The following DPT variants were observed in gnomAD, a reference collection of about 807,000 sequenced individuals.
DPT encodes the protein dermatopontin, also known as tyrosine-rich acidic matrix protein.
Under a neutral mutation model 31.2 loss-of-function variants are expected in DPT, and 21 were observed. The observed-to-expected ratio is 0.67, with a 90% CI of 0.48 to 0.97. DPT has a LOEUF of 0.97. DPT is among the 50% of genes least tolerant of loss of function. DPT has a pLI of 0.00. For missense variants in DPT, 262 were observed against 258.8 expected (o/e 1.01, Z -0.08); for synonymous variants, 91 against 86.9 (o/e 1.05, Z -0.26).
At chr1:168,708,616 T>C (rs563638814) in intron 2 of DPT, among the ~76,000 whole-genome samples, 1 of 152,244 alleles carries the variant, frequency 6.6e-6, no homozygotes, top group African/African-American at 2.4e-5. Flanking sequence ...ATGTGCACAA[T>C]GTGCAGTTTG....
intron 1 of DPT, among the ~76,000 whole-genome samples, chr1:168,720,770 G>A (rs928320833): frequency 6.6e-6 from 1 of 152,140 alleles, no homozygotes; most frequent in Admixed American, 6.5e-5. Flanking sequence ...CCGCCCCAAA[G>A]GTGGATGAGG....
rs1396463595 is a variant in DPT at position 168,707,836 on chromosome 1, C to T, written c.431+6385G>A. On this transcript the variant is annotated intron_variant, in intron 2 of 3. Coordinates refer to ENST00000367817, the MANE Select transcript of DPT (RefSeq NM_001937.5). ...CTCCTTCTGCCATGGTTGTAAGTTT[C>T]CTGAGGCCTCCCCAGCCCTGTGGAA... 6.6e-5 allele frequency among the ~76,000 whole-genome samples: 10 copies of T among 152,142 alleles called. No individual in the cohort carries two copies. In the East Asian group the frequency reaches 1.9e-3, roughly 29 times the overall value.
intron 1 of DPT, among the ~76,000 whole-genome samples, chr1:168,714,617 C>A (rs1313533592): frequency 6.6e-6 from 1 of 152,064 alleles, no homozygotes; most frequent in East Asian, 1.9e-4. Context: ...TAGATGGAAG[C>A]CTGCATAAAT....
chr1:168,716,665 C>T (rs534503), intron 1 of DPT, among the ~76,000 whole-genome samples: 26,130 of 152,074 alleles, frequency 0.17, 3,048 homozygotes, highest in East Asian at 0.48. Flanking sequence ...TTTTAAGGCC[C>T]GCATGCATTA....
At chr1:168,712,084 CTA>C (rs1398024123) in intron 2 of DPT, among the ~76,000 whole-genome samples, 2 of 152,232 alleles carry the variant, frequency 1.3e-5, no homozygotes, top group African/African-American at 2.4e-5. Context: ...TAAGAAGACA[CTA>C]TGTTCCAAGC....
chr1:168,699,039 C>T (rs1314901400), intron 3 of DPT, among the ~76,000 whole-genome samples: 1 of 152,024 alleles, frequency 6.6e-6, no homozygotes, highest in Non-Finnish European at 1.5e-5. Flanking sequence ...TCTGGGTAAT[C>T]CACATAACCG....
chr1:168,725,935 C>G (rs1205086177), intron 1 of DPT, among the ~76,000 whole-genome samples: 2 of 152,202 alleles, frequency 1.3e-5, no homozygotes, highest in Non-Finnish European at 2.9e-5. Flanking sequence ...CTGTAGCCAA[C>G]GTCAGATGTA....
At chr1:168,722,811 CTTCA>C (rs1340828312) in intron 1 of DPT, among the ~76,000 whole-genome samples, 1 of 151,374 alleles carries the variant, frequency 6.6e-6, no homozygotes, top group Non-Finnish European at 1.5e-5. Flanking sequence ...TGACTCTAAA[CTTCA>C]TTAACTTTTC....
At chr1:168,700,818 G>A (rs1278633084) in intron 3 of DPT, among the ~76,000 whole-genome samples, 199 bp downstream of exon 3, 2 of 152,084 alleles carry the variant, frequency 1.3e-5, no homozygotes, top group African/African-American at 4.8e-5. Context: ...AGGAAACTAA[G>A]ATAAGTAAAA....
chr1:168,698,083 A>T (rs1047083674), intron 3 of DPT, among the ~76,000 whole-genome samples: 6 of 152,190 alleles, frequency 3.9e-5, no homozygotes, highest in Admixed American at 1.3e-4. Flanking sequence ...TCAACAATTT[A>T]TCCTAAACAC....
Position 168,701,129 on chromosome 1 carries a change from G to A in DPT, c.432-5C>T. On this transcript the variant is annotated splice_region_variant and splice_polypyrimidine_tract_variant and intron_variant, in intron 2 of 3. Coordinates refer to ENST00000367817, the MANE Select transcript of DPT (RefSeq NM_001937.5). ...CCTGGATATTCTGTTGTTAGCCTAT[G>A]CAGGAAGAACAAAGGTTAGAGGAAA... 1 of 1,599,480 alleles carries A rather than the reference G, an allele frequency of 6.3e-7. No individual in the cohort carries two copies. The highest frequency in any genetic ancestry group is 8.6e-7 in the Non-Finnish European group (1 of 1,167,132).
At chr1:168,702,610 G>GTT (rs759649550) in intron 2 of DPT, among the ~76,000 whole-genome samples, 2 of 105,726 alleles carry the variant, frequency 1.9e-5, no homozygotes, top group Non-Finnish European at 1.9e-5. Flanking sequence ...TCAGGTAAAT[G>GTT]TCTTTTTTTT....
At position 168,696,530 on chromosome 1, in the gene DPT, G is replaced by T; in HGVS notation, c.*19C>A. ...TCCCCGGCCCCTTTCCTTTCACCCA[G>T]ATTTGGTATGTGGCAAATCTAAACA... On this transcript the variant is annotated 3_prime_UTR_variant, in exon 4 of 4. Transcript: ENST00000367817. The T allele has an allele frequency of 6.2e-7, 1 of 1,612,334 alleles. No individual in the cohort carries two copies. Among genetic ancestry groups the T allele is most frequent in the Non-Finnish European group, 8.5e-7 (1 of 1,178,930 alleles).
intron 2 of DPT, among the ~76,000 whole-genome samples, chr1:168,713,875 T>C (rs543981722): frequency 9.9e-5 from 15 of 152,224 alleles, no homozygotes; most frequent in Middle Eastern, 3.4e-3. Flanking sequence ...TGATGAGAAG[T>C]TACCAGAAGT....
Position 168,714,069 on chromosome 1 carries a change from A to C in DPT, c.431+152T>G, listed in dbSNP as rs891826392. 15 of 1,012,296 alleles carry C rather than the reference A, an allele frequency of 1.5e-5. No individual in the cohort carries two copies. In the African/African-American group the frequency reaches 2.1e-4, roughly 14 times the overall value. The allele number at this position is 1,012,296 out of a possible 1,614,324, so 62.7% of individuals were successfully genotyped here. On this transcript the variant is annotated intron_variant, in intron 2 of 3. Transcript: ENST00000367817. ...CTGAAAGATCCCTCTTGGCGGGAACATCCTCCTAAGTCATTCATTCATTCT... is the reference window on the plus strand; with the variant it reads ...CTGAAAGATCCCTCTTGGCGGGAACCTCCTCCTAAGTCATTCATTCATTCT...
chr1:168,721,775 G>A (rs973504750), intron 1 of DPT, among the ~76,000 whole-genome samples: 1 of 152,122 alleles, frequency 6.6e-6, no homozygotes. Flanking sequence ...ACACTGCACC[G>A]TTTACTGCTC....
At chr1:168,716,692 C>T (rs1226197765) in intron 1 of DPT, among the ~76,000 whole-genome samples, 4 of 152,138 alleles carry the variant, frequency 2.6e-5, no homozygotes, top group African/African-American at 9.7e-5. Flanking sequence ...TGTCCTAATG[C>T]TCTCCCTCTC....
intron 1 of DPT, among the ~76,000 whole-genome samples, chr1:168,717,942 T>C (rs1434798065): frequency 6.6e-6 from 1 of 152,256 alleles, no homozygotes; most frequent in Non-Finnish European, 1.5e-5. Flanking sequence ...GGGTGTTCTA[T>C]TCTATCCTAA....
At chr1:168,704,575 A>T (rs1274123810) in intron 2 of DPT, among the ~76,000 whole-genome samples, 1 of 150,612 alleles carries the variant, frequency 6.6e-6, no homozygotes, top group Non-Finnish European at 1.5e-5. Context: ...AAAAAGCAAA[A>T]CTACTGGTGT....
Sources: allele counts gnomAD v4.1 joint callset (sites outside exome capture counted in the v4.1 genomes callset), GRCh38; gene constraint gnomAD v4.1.1; transcripts MANE v1.5; gene names NCBI Gene and HGNC (gene_info 2026-07-23, HGNC 2026-07-21).